Variants in LPP observed in about 807,000 individuals in gnomAD.
The protein encoded by LPP is lipoma-preferred partner.
A neutral mutation model predicts 60.4 loss-of-function variants in LPP; 38 were observed. That is an observed-to-expected ratio of 0.63 (90% CI 0.49 to 0.83). LPP has a LOEUF of 0.83. LPP is among the 40% of genes least tolerant of loss of function. LPP has a pLI of 0.00. For missense variants in LPP, 902 were observed against 783.6 expected, an observed-to-expected ratio of 1.15 and a Z score of -1.80; for synonymous variants, 328 against 290.8, an observed-to-expected ratio of 1.13 and a Z score of -1.30.
At chr3:188,356,426 T>G (rs571242687) in intron 3 of LPP, among the ~76,000 whole-genome samples, 14 of 152,322 alleles carry the variant, frequency 9.2e-5, no homozygotes, top group African/African-American at 3.4e-4. Context: ...CCTAGGATTC[T>G]GGGTAGAAAT....
chr3:188,292,920 C>A (rs768839758), intron 2 of LPP, among the ~76,000 whole-genome samples: 3 of 152,158 alleles, frequency 2.0e-5, no homozygotes, highest in Non-Finnish European at 2.9e-5. Context: ...CAGTAAGGAT[C>A]AACTTGTATA....
At chr3:188,269,971 TTTTTC>T (rs1298478629) in intron 2 of LPP, among the ~76,000 whole-genome samples, 3 of 148,788 alleles carry the variant, frequency 2.0e-5, no homozygotes, top group Non-Finnish European at 3.0e-5. Context: ...TAGTATCAGT[TTTTTC>T]TTTTCTTTTC....
intron 2 of LPP, among the ~76,000 whole-genome samples, chr3:188,286,562 T>G (rs1353938991): frequency 1.3e-5 from 2 of 152,194 alleles, no homozygotes; most frequent in Non-Finnish European, 2.9e-5. Flanking sequence ...AGAAGAGAAC[T>G]TCTTATTTTT....
Position 188,813,186 on chromosome 3 carries a change from C to T in LPP, c.1410+52904C>T, listed in dbSNP as rs142141001. On this transcript the variant is annotated intron_variant, in intron 9 of 11. Transcript: ENST00000617246. Reference sequence around the variant, plus strand: ...TGGTCTTTGAATAATATAAATTGTACTCCATGTATATTTTTATATATGAAT... The same window carrying T: ...TGGTCTTTGAATAATATAAATTGTATTCCATGTATATTTTTATATATGAAT... Among the ~76,000 whole-genome samples, 547 of 152,230 alleles carry T rather than the reference C, an allele frequency of 3.6e-3. 4 individuals carry two copies. Among genetic ancestry groups the T allele is most frequent in the African/African-American group, 0.012 (497 of 41,538 alleles).
At chr3:188,434,282 T>A (rs560992319) in intron 4 of LPP, among the ~76,000 whole-genome samples, 1 of 152,284 alleles carries the variant, frequency 6.6e-6, no homozygotes, top group African/African-American at 2.4e-5. Flanking sequence ...AATGTAATAT[T>A]ATGCTAAGTG....
chr3:188,853,840 TTC>T (rs1763222874), intron 9 of LPP, among the ~76,000 whole-genome samples: 1 of 152,058 alleles, frequency 6.6e-6, no homozygotes, highest in Non-Finnish European at 1.5e-5. Context: ...TTTTTTTTTT[TTC>T]CTTTTCTTTT....
intron 4 of LPP, among the ~76,000 whole-genome samples, chr3:188,462,196 C>A (rs558261660): frequency 6.6e-6 from 1 of 151,826 alleles, no homozygotes. Flanking sequence ...TTAAGAATTA[C>A]GTCTCTTTTT....
At chr3:188,328,053 T>C (rs1758930796) in intron 2 of LPP, among the ~76,000 whole-genome samples, 1 of 152,118 alleles carries the variant, frequency 6.6e-6, no homozygotes, top group Non-Finnish European at 1.5e-5. Flanking sequence ...ATGAAGAAAA[T>C]CCAGTCTCTC....
intron 2 of LPP, among the ~76,000 whole-genome samples, chr3:188,252,702 A>G (rs1730297382): frequency 6.6e-6 from 1 of 152,092 alleles, no homozygotes; most frequent in Non-Finnish European, 1.5e-5. Context: ...TAATGTATTT[A>G]ATGTCCATAT....
chr3:188,346,277 T>TTTTTTTTTTTTTTTTG (rs1764348164), intron 3 of LPP, among the ~76,000 whole-genome samples: 1 of 145,636 alleles, frequency 6.9e-6, no homozygotes, highest in African/African-American at 2.6e-5. Context: ...TTTTTTTTTT[T>TTTTTTTTTTTTTTTTG]GAGACGGAGT....
chr3:188,166,091 T>A (rs1719857066), intron 1 of LPP, among the ~76,000 whole-genome samples: 1 of 152,248 alleles, frequency 6.6e-6, no homozygotes, highest in African/African-American at 2.4e-5. Flanking sequence ...GACTGAACTG[T>A]TACCGTGAAA....
intron 7 of LPP, among the ~76,000 whole-genome samples, chr3:188,681,695 TA>T (rs1396932895): frequency 2.0e-5 from 3 of 152,212 alleles, no homozygotes; most frequent in Admixed American, 6.5e-5. Context: ...GGAAATCGTG[TA>T]ATTGCAGAAA....
intron 9 of LPP, among the ~76,000 whole-genome samples, chr3:188,765,151 T>A (rs1006294730): frequency 2.0e-5 from 3 of 152,156 alleles, no homozygotes; most frequent in African/African-American, 7.2e-5. Context: ...GTGCTTTATG[T>A]GGATGTTGGA....
chr3:188,374,758 G>T (rs62291440), intron 3 of LPP, among the ~76,000 whole-genome samples: 51,799 of 151,920 alleles, frequency 0.34, 10,630 homozygotes, highest in Middle Eastern at 0.6. Context: ...ATAGGAGTGG[G>T]GAGAGAGGGC....
intron 4 of LPP, among the ~76,000 whole-genome samples, chr3:188,445,715 G>C (rs1795074854): frequency 1.3e-5 from 2 of 151,938 alleles, no homozygotes; most frequent in Admixed American, 1.3e-4. Context: ...TGATGTGCCA[G>C]GCACTGTTTT....
At chr3:188,202,309 A>G (rs1731300230) in intron 1 of LPP, among the ~76,000 whole-genome samples, 1 of 152,178 alleles carries the variant, frequency 6.6e-6, no homozygotes, top group African/African-American at 2.4e-5. Flanking sequence ...GGGCCCTGGC[A>G]GCCAGCATTT....
At position 188,589,666 on chromosome 3, in the gene LPP, C is replaced by T. The variant is rs182519754; in HGVS notation, c.430-19495C>T. 1.1e-4 allele frequency among the ~76,000 whole-genome samples: 17 copies of T among 152,266 alleles called. No homozygotes were observed. In the East Asian group the frequency reaches 3.3e-3, roughly 29 times the overall value. On this transcript the variant is annotated intron_variant, in intron 6 of 11. Transcript: ENST00000617246. ...GCATTTTTTTCTTTACCACTGAAAACTTGCGAGGCTCAAAGTAGTTTAATT... is the reference window on the plus strand; with the variant it reads ...GCATTTTTTTCTTTACCACTGAAAATTTGCGAGGCTCAAAGTAGTTTAATT...
chr3:188,480,184 T>C (rs1043024596), intron 4 of LPP, among the ~76,000 whole-genome samples: 1 of 152,190 alleles, frequency 6.6e-6, no homozygotes, highest in Non-Finnish European at 1.5e-5. Context: ...TCACTCCCTT[T>C]TTGAGTTAAC....
In LPP at chr3:188,785,547, T is replaced by TATATATATATATATATACACACAC. The variant is rs1206082559; in HGVS notation, c.1410+25266_1410+25267insTATATATATATATATACACACACA. 4.4e-3 allele frequency among the ~76,000 whole-genome samples: 192 copies of TATATATATATATATATACACACAC among 43,830 alleles called. 20 individuals carry two copies. In the East Asian group the frequency reaches 0.044, roughly 10 times the overall value. The allele number at this position is 43,830 out of a possible 152,430, so 28.8% of individuals were successfully genotyped here. On this transcript the variant is annotated intron_variant, in intron 9 of 11. Transcript: ENST00000617246. ...ATATATATTCCATCATATATATATA[T>TATATATATATATATATACACACAC]ACACACACACACACACACACACACA...
Sources: allele counts gnomAD v4.1 joint callset (sites outside exome capture counted in the v4.1 genomes callset), GRCh38; gene constraint gnomAD v4.1.1; transcripts MANE v1.5; gene names NCBI Gene and HGNC (gene_info 2026-07-23, HGNC 2026-07-21).